The following DENND2B variants were observed in gnomAD, a reference collection of about 807,000 sequenced individuals.
DENND2B encodes DENN domain-containing protein 2B.
In DENND2B, 32 loss-of-function variants were observed where a neutral mutation model predicts 116.0. The ratio of observed to expected loss-of-function variants is 0.28; its 90% CI spans 0.21 to 0.37. The LOEUF (loss-of-function observed/expected upper bound fraction) is 0.37. Among genes scored for constraint, DENND2B ranks in the 10% least tolerant of loss-of-function variants. The probability of loss-of-function intolerance (pLI) is 1.00; values close to 1 mark genes in which losing one functional copy is unlikely to be tolerated. For synonymous variants in DENND2B, 588 were observed against 583.9 expected (o/e 1.01, Z -0.10); for missense variants, 1,276 against 1,477.7 (o/e 0.86, Z 2.24).
At chr11:8,754,483 T>G (rs1593198319) in intron 1 of DENND2B, among the ~76,000 whole-genome samples, 1 of 152,202 alleles carries the variant, frequency 6.6e-6, no homozygotes, top group Non-Finnish European at 1.5e-5. Flanking sequence ...AAATGTAAAA[T>G]GGCACAGCCA....
intron 3 of DENND2B, among the ~76,000 whole-genome samples, chr11:8,852,628 C>A (rs75554482): frequency 6.6e-6 from 1 of 152,154 alleles, no homozygotes; most frequent in Non-Finnish European, 1.5e-5. Flanking sequence ...GTAGTTATAA[C>A]AATGTATGCA....
chr11:8,721,538 T>A (rs574274619), intron 4 of DENND2B, among the ~76,000 whole-genome samples: 90 of 152,314 alleles, frequency 5.9e-4, no homozygotes, highest in African/African-American at 2.2e-3. Flanking sequence ...CTGTTTCTCC[T>A]GGTTCTCAGC....
At chr11:8,899,582 A>G (rs1360005095) in intron 1 of DENND2B, among the ~76,000 whole-genome samples, 1 of 152,192 alleles carries the variant, frequency 6.6e-6, no homozygotes, top group Non-Finnish European at 1.5e-5. Context: ...CCAACTAAAA[A>G]TTTTATATCC....
At chr11:8,786,208 A>T (rs576275053) in intron 1 of DENND2B, among the ~76,000 whole-genome samples, 3 of 152,214 alleles carry the variant, frequency 2.0e-5, no homozygotes, top group Non-Finnish European at 4.4e-5. Context: ...TTGCAATTTC[A>T]TGTAAAACAT....
chr11:8,875,844 C>T (rs1594328341), upstream of DENND2B, among the ~76,000 whole-genome samples: 1 of 152,138 alleles, frequency 6.6e-6, no homozygotes, highest in South Asian at 2.1e-4. Context: ...GTTCAACTTA[C>T]AATCTTTTGA....
intron 3 of DENND2B, among the ~76,000 whole-genome samples, chr11:8,843,184 T>C (rs2062685443): frequency 1.3e-5 from 2 of 152,114 alleles, no homozygotes; most frequent in Admixed American, 6.6e-5. Flanking sequence ...GCCTGGCTAA[T>C]TTTTGTATTT....
intron 1 of DENND2B, among the ~76,000 whole-genome samples, chr11:8,907,459 G>A (rs2064253013): frequency 6.6e-6 from 1 of 152,048 alleles, no homozygotes; most frequent in African/African-American, 2.4e-5. Flanking sequence ...TTTACAGGAT[G>A]AATCTTTAAA....
chr11:8,831,760 AC>A (rs2062216038), intron 4 of DENND2B: 1 of 152,176 alleles, frequency 6.6e-6, no homozygotes, highest in Non-Finnish European at 1.5e-5. Context: ...AAAAATTTAA[AC>A]TTAAATTTTA....
Position 8,707,874 on chromosome 11 carries a change from A to G in DENND2B, c.2353-20T>C, listed in dbSNP as rs116131401. The G allele has an allele frequency of 1.5e-3, 2,461 of 1,599,292 alleles. 39 individuals are homozygous for G. In the African/African-American group the frequency reaches 0.03, roughly 19 times the overall value. ...ACTTGGCTGGGCCAGGACAAGGAGGAGGAGGAGAGAGACAGACACAGAGAA... is the reference window on the plus strand; with the variant it reads ...ACTTGGCTGGGCCAGGACAAGGAGGGGGAGGAGAGAGACAGACACAGAGAA... On this transcript the variant is annotated intron_variant, in intron 11 of 19. Transcript: ENST00000313726. The surrounding 1 kb of genome is among the most constrained non-coding windows in gnomAD (Gnocchi z 4.8).
chr11:8,729,501 T>A (rs2047715912), intron 3 of DENND2B, among the ~76,000 whole-genome samples: 1 of 152,210 alleles, frequency 6.6e-6, no homozygotes, highest in Admixed American at 6.5e-5. Context: ...GACACTACCA[T>A]GTTAATGATA....
chr11:8,813,011 T>C (rs2061447831), upstream of DENND2B, among the ~76,000 whole-genome samples: 1 of 138,460 alleles, frequency 7.2e-6, no homozygotes, highest in Non-Finnish European at 1.7e-5. Context: ...CTTGAACTCC[T>C]GAGCTCAAGC....
chr11:8,848,697 T>A (rs2062894458), intron 3 of DENND2B, among the ~76,000 whole-genome samples: 1 of 152,198 alleles, frequency 6.6e-6, no homozygotes, highest in African/African-American at 2.4e-5. Context: ...TTGAAGCAGA[T>A]TAAGAATATA....
Position 8,893,073 on chromosome 11 carries a change from G to C in DENND2B, c.-255-11964C>G, listed in dbSNP as rs977424635. 1.2e-4 allele frequency among the ~76,000 whole-genome samples: 18 copies of C among 152,214 alleles called. No individual in the cohort carries two copies. The South Asian group carries it at 1.2e-3, about 11-fold the overall frequency. Reference sequence around the variant, plus strand: ...CATGATCAAGTGGGCTTCATCCCTGGGATGCAAGGCTGGTTCAACATACGC... The same window carrying C: ...CATGATCAAGTGGGCTTCATCCCTGCGATGCAAGGCTGGTTCAACATACGC... On this transcript the variant is annotated intron_variant, in intron 1 of 22. Coordinates refer to the DENND2B transcript ENST00000534127.
chr11:8,701,924 C>T (rs557627331), intron 14 of DENND2B, among the ~76,000 whole-genome samples: 6 of 152,240 alleles, frequency 3.9e-5, no homozygotes, highest in East Asian at 1.9e-4. Flanking sequence ...ACCAGCTCCC[C>T]GACTTCCCTG....
intron 2 of DENND2B, among the ~76,000 whole-genome samples, chr11:8,749,889 A>G (rs972024010): frequency 6.6e-6 from 1 of 152,216 alleles, no homozygotes; most frequent in African/African-American, 2.4e-5. Flanking sequence ...CCAAGACCAG[A>G]GAAGCCCTGG....
At chr11:8,756,909 AAACTGC>A (rs370298980) in intron 1 of DENND2B, 22 of 399,712 alleles carry the variant, frequency 5.5e-5, no homozygotes, top group African/African-American at 2.7e-4. Flanking sequence ...GTCTAGGCAG[AAACTGC>A]ATGTTTAGAA....
chr11:8,805,008 G>A (rs1300256002), intron 1 of DENND2B, among the ~76,000 whole-genome samples: 1 of 152,146 alleles, frequency 6.6e-6, no homozygotes. Flanking sequence ...CTATTTACAG[G>A]TATCATTTCA....
chr11:8,709,383 C>T (rs2043194462), intron 11 of DENND2B, among the ~76,000 whole-genome samples: 1 of 152,172 alleles, frequency 6.6e-6, no homozygotes, highest in Admixed American at 6.5e-5. Flanking sequence ...CCAGCCCAGG[C>T]CCTCTCTGAG....
chr11:8,716,931 C>T (rs1469194590), intron 5 of DENND2B, among the ~76,000 whole-genome samples: 2 of 152,222 alleles, frequency 1.3e-5, no homozygotes, highest in Non-Finnish European at 2.9e-5. Context: ...GCGTGAGCCA[C>T]CACTCCCAGC....
Sources: allele counts gnomAD v4.1 joint callset (sites outside exome capture counted in the v4.1 genomes callset), GRCh38; gene constraint gnomAD v4.1.1; non-coding constraint Gnocchi (gnomAD v3.1); transcripts MANE v1.5; gene names NCBI Gene and HGNC (gene_info 2026-07-23, HGNC 2026-07-21).